The following PRDX4 variants were observed in gnomAD, a reference collection of about 807,000 sequenced individuals.
PRDX4 encodes the protein peroxiredoxin-4.
Under a neutral mutation model 20.5 loss-of-function variants are expected in PRDX4, and 12 were observed. The observed-to-expected ratio is 0.58, with a 90% CI of 0.37 to 0.95. The LOEUF is 0.95. Ranked by LOEUF, PRDX4 falls within the 40% of genes least tolerant of loss-of-function variation. The pLI is 0.01. For missense variants in PRDX4, 180 were observed against 207.3 expected (o/e 0.87, Z 0.81); for synonymous variants, 99 against 87.5 (o/e 1.13, Z -0.73).
At chrX:23,684,206 A>G (rs1463268920) in intron 6 of PRDX4, among the ~76,000 whole-genome samples, 1 of 110,443 alleles carries the variant, frequency 9.1e-6, no homozygotes, top group Non-Finnish European at 1.9e-5. Context: ...AAAGCAGAAT[A>G]TGGGGCGTGA....
intron 3 of PRDX4, among the ~76,000 whole-genome samples, chrX:23,678,352 A>G (rs1455655022): frequency 2.8e-5 from 3 of 108,244 alleles, no homozygotes; most frequent in Non-Finnish European, 5.7e-5. Flanking sequence ...GTTATAGGCC[A>G]GGCGCGGTGG....
intron 4 of PRDX4, among the ~76,000 whole-genome samples, chrX:23,679,958 G>A (rs189065475): frequency 4.5e-5 from 5 of 111,900 alleles, no homozygotes; most frequent in African/African-American, 6.4e-5. Flanking sequence ...CTCCAGCCCA[G>A]GCGACAGAGC....
intron 4 of PRDX4, among the ~76,000 whole-genome samples, chrX:23,681,789 C>T (rs1424058730): frequency 8.9e-6 from 1 of 111,937 alleles, no homozygotes; most frequent in Non-Finnish European, 1.9e-5. Flanking sequence ...GCCTGTAATC[C>T]CAGCACTTTG....
intron 4 of PRDX4, 112 bp downstream of exon 4, chrX:23,679,399 T>C: frequency 1.1e-6 from 1 of 908,365 alleles, no homozygotes; most frequent in Non-Finnish European, 1.5e-6. Context: ...AAATATAATT[T>C]TGAGGCCAGG....
At chrX:23,670,311 G>A (rs1039945750) in intron 1 of PRDX4, among the ~76,000 whole-genome samples, 7 of 111,820 alleles carry the variant, frequency 6.3e-5, no homozygotes, top group African/African-American at 1.9e-4. Flanking sequence ...AGCATTTTAA[G>A]TAATTTATTT....
chrX:23,670,833 T>C (rs1927828647), intron 1 of PRDX4, among the ~76,000 whole-genome samples: 2 of 112,104 alleles, frequency 1.8e-5, no homozygotes, highest in South Asian at 3.7e-4. Flanking sequence ...CCTCATTTTG[T>C]GTAGCCTCAT....
In PRDX4 at chrX:23,684,753, C is replaced by T. The variant is rs578012806; in HGVS notation, c.765+1048C>T. On this transcript the variant is annotated intron_variant, in intron 6 of 6. Transcript: ENST00000379341. Reference sequence around the variant, plus strand: ...CTGACCTCAAGCGATCCACCCACCTCAGCCTCCCAAAGTGCTGGGATTACA... The same window carrying T: ...CTGACCTCAAGCGATCCACCCACCTTAGCCTCCCAAAGTGCTGGGATTACA... Among the ~76,000 whole-genome samples, 13 of 111,159 alleles carry T rather than the reference C, an allele frequency of 1.2e-4. No individual in the cohort carries two copies. The South Asian group carries it at 4.6e-3, about 39-fold the overall frequency.
chrX:23,683,632 GT>G, intron 5 of PRDX4, 38 bp from the exon 6 acceptor site: 2 of 1,193,528 alleles, frequency 1.7e-6, no homozygotes, highest in Non-Finnish European at 1.1e-6. Context: ...ACTGAATTCT[GT>G]TTTTAAAATG....
intron 3 of PRDX4, among the ~76,000 whole-genome samples, chrX:23,676,791 C>CA (rs10585666): frequency 1.5e-3 from 136 of 87,798 alleles, no homozygotes; most frequent in Middle Eastern, 0.011. Flanking sequence ...GATCCTGTCT[C>CA]AAAAAAAAAA....
In PRDX4 at chrX:23,669,166, C is replaced by T. The variant is rs185377323; in HGVS notation, c.241+1355C>T. ...GTCTGGAACTCCTGACCTCATGATCCGCCTGCCTTGGCCTCCCAAAGTGCT... is the reference window on the plus strand; with the variant it reads ...GTCTGGAACTCCTGACCTCATGATCTGCCTGCCTTGGCCTCCCAAAGTGCT... On this transcript the variant is annotated intron_variant, in intron 1 of 6. Coordinates refer to ENST00000379341, the MANE Select transcript of PRDX4 (RefSeq NM_006406.2). Among the ~76,000 whole-genome samples the T allele has an allele frequency of 6.1e-3, 684 of 111,618 alleles. 5 individuals are homozygous for T. Among genetic ancestry groups the T allele is most frequent in the African/African-American group, 0.02 (621 of 30,689 alleles).
chrX:23,680,368 C>T (rs1207453928), intron 4 of PRDX4, among the ~76,000 whole-genome samples: 1 of 111,790 alleles, frequency 8.9e-6, no homozygotes, highest in Non-Finnish European at 1.9e-5. Flanking sequence ...AAATATTTTA[C>T]CCAGACGCTC....
intron 4 of PRDX4, among the ~76,000 whole-genome samples, chrX:23,679,723 A>T (rs1178145545): frequency 1.8e-5 from 2 of 109,439 alleles, no homozygotes; most frequent in Non-Finnish European, 3.8e-5. Flanking sequence ...TCACGCCTAT[A>T]ATCCCAGCAC....
chrX:23,677,806 CAAAA>C (rs1001516651), intron 3 of PRDX4, among the ~76,000 whole-genome samples: 1 of 100,045 alleles, frequency 1.0e-5, no homozygotes, highest in African/African-American at 3.6e-5. Context: ...GTTTATAAAG[CAAAA>C]AAAAAAGGTA....
intron 1 of PRDX4, among the ~76,000 whole-genome samples, chrX:23,670,759 C>T (rs771980068): frequency 8.9e-6 from 1 of 112,077 alleles, no homozygotes; most frequent in African/African-American, 3.2e-5. Flanking sequence ...TCAAAGCCCT[C>T]TAGGAAAATG....
chrX:23,673,531 T>TTA (rs1927884878), intron 2 of PRDX4, among the ~76,000 whole-genome samples: 1 of 112,054 alleles, frequency 8.9e-6, no homozygotes, highest in East Asian at 2.8e-4. Context: ...CATGGGCGGA[T>TTA]CACCTGAGGT....
intron 2 of PRDX4, among the ~76,000 whole-genome samples, chrX:23,673,353 A>G (rs1038933720): frequency 7.1e-5 from 8 of 112,623 alleles, no homozygotes; most frequent in African/African-American, 2.6e-4. Context: ...ACAGTCTACA[A>G]GGAGGAAAGT....
rs557435753 is a variant in PRDX4 at position 23,668,669 on chromosome X, C to T, written c.241+858C>T. ...CTTGCTATTCAGTAACCTGCTTTTC[C>T]TGCAGATCATTTGACATTCTGTAGG... On this transcript the variant is annotated intron_variant, in intron 1 of 6. Transcript: ENST00000379341. 3.6e-5 allele frequency among the ~76,000 whole-genome samples: 4 copies of T among 112,135 alleles called. No individual in the cohort carries two copies. The South Asian group carries it at 1.5e-3, about 41-fold the overall frequency.
chrX:23,679,875 G>A (rs1304390626), intron 4 of PRDX4, among the ~76,000 whole-genome samples: 4 of 111,053 alleles, frequency 3.6e-5, no homozygotes, highest in East Asian at 2.8e-4. Flanking sequence ...CCAGCTACTC[G>A]GGAGGCTGAG....
chrX:23,685,869 G>C (rs779378273), intron 6 of PRDX4: 10 of 151,646 alleles, frequency 6.6e-5, no homozygotes, highest in Non-Finnish European at 1.1e-4. Flanking sequence ...GTGTATTCTG[G>C]ACTTTAGTGA....
Sources: gnomAD v4.1 joint callset for allele counts (sites outside exome capture counted in the v4.1 genomes callset) on GRCh38, gnomAD v4.1.1 for gene constraint, MANE v1.5 for transcripts, NCBI Gene and HGNC (gene_info 2026-07-23, HGNC 2026-07-21) for gene names.